The following RSU1 variants were observed in gnomAD, a reference collection of about 807,000 sequenced individuals.
The protein encoded by RSU1 is Ras suppressor protein 1.
In RSU1, 26 loss-of-function variants were observed where a neutral mutation model predicts 31.1. The ratio of observed to expected loss-of-function variants is 0.84; its 90% CI spans 0.61 to 1.16. The LOEUF (loss-of-function observed/expected upper bound fraction) is 1.16, where lower values mean the gene tolerates loss of function less well. Ranked by LOEUF, RSU1 falls within the 50% of genes most tolerant of loss-of-function variation. The probability of loss-of-function intolerance (pLI) is 0.00; values close to 1 mark genes in which losing one functional copy is unlikely to be tolerated. For synonymous variants in RSU1, 164 were observed against 136.3 expected, an observed-to-expected ratio of 1.20 and a Z score of -1.41; for missense variants, 320 against 339.1, an observed-to-expected ratio of 0.94 and a Z score of 0.44.
At chr10:16,636,420 C>T (rs1405281495) in intron 8 of RSU1, among the ~76,000 whole-genome samples, 2 of 152,210 alleles carry the variant, frequency 1.3e-5, no homozygotes, top group Non-Finnish European at 2.9e-5. Flanking sequence ...CCCTCTCCCG[C>T]TTCGAATAAA....
intron 7 of RSU1, among the ~76,000 whole-genome samples, chr10:16,737,725 T>A (rs574841888): frequency 1.7e-4 from 26 of 150,332 alleles, no homozygotes; most frequent in African/African-American, 6.4e-4. Flanking sequence ...TTTTTCCTCC[T>A]CTCTAAAGTT....
At chr10:16,652,863 G>A (rs1834711812) in intron 8 of RSU1, among the ~76,000 whole-genome samples, 1 of 151,446 alleles carries the variant, frequency 6.6e-6, no homozygotes, top group Non-Finnish European at 1.5e-5. Context: ...TTTTTTTAAA[G>A]AGATGGGGTC....
chr10:16,705,123 A>AT (rs1386042979), intron 7 of RSU1, among the ~76,000 whole-genome samples: 1 of 152,004 alleles, frequency 6.6e-6, no homozygotes. Context: ...ATAACACAGC[A>AT]TTTTTTCTTT....
chr10:16,799,835 G>A (rs908576916), intron 2 of RSU1, among the ~76,000 whole-genome samples: 11 of 152,150 alleles, frequency 7.2e-5, no homozygotes, highest in South Asian at 6.2e-4. Context: ...TTTGGTAGCC[G>A]GGGGCGGGGA....
intron 4 of RSU1, among the ~76,000 whole-genome samples, chr10:16,762,444 A>G (rs1178131720): frequency 1.3e-5 from 2 of 151,962 alleles, no homozygotes; most frequent in Non-Finnish European, 2.9e-5. Flanking sequence ...CTGTAAAACC[A>G]AGATATAAAT....
intron 8 of RSU1, among the ~76,000 whole-genome samples, chr10:16,639,542 G>C (rs1488173262): frequency 6.6e-6 from 1 of 152,198 alleles, no homozygotes; most frequent in East Asian, 1.9e-4. Context: ...CACAGAACTG[G>C]AGGGGAATAA....
chr10:16,748,710 C>T lies in RSU1; in HGVS notation c.598+3829G>A, dbSNP rs532486680. ...TTCCAGCCACACTGGCCTTGCTCTT[C>T]CTCAACACAAGCCCACCCAGGACCT... is the stretch of plus-strand genomic sequence containing the variant. On this transcript the variant is annotated intron_variant, in intron 7 of 8. Coordinates refer to ENST00000345264, the MANE Select transcript of RSU1 (RefSeq NM_012425.4). Among the ~76,000 whole-genome samples, 4 of 152,216 alleles carry T rather than the reference C, an allele frequency of 2.6e-5. No homozygotes were observed. In the East Asian group the frequency reaches 5.8e-4, roughly 22 times the overall value.
chr10:16,667,685 G>T (rs1345932976), intron 8 of RSU1, among the ~76,000 whole-genome samples: 1 of 151,996 alleles, frequency 6.6e-6, no homozygotes, highest in Non-Finnish European at 1.5e-5. Context: ...ACAGCGTTTT[G>T]CCATGTTGGC....
chr10:16,788,644 G>A (rs550681275), intron 2 of RSU1, among the ~76,000 whole-genome samples: 66 of 152,190 alleles, frequency 4.3e-4, no homozygotes, highest in African/African-American at 1.2e-3. Context: ...TTGTTATAAC[G>A]GCCAGAGCTG....
chr10:16,777,517 T>C (rs569126999), intron 3 of RSU1, among the ~76,000 whole-genome samples: 114 of 152,310 alleles, frequency 7.5e-4, no homozygotes, highest in Non-Finnish European at 1.2e-3. Context: ...CAACATGCCC[T>C]GTGGTGCAGG....
At chr10:16,684,065 A>AC (rs1054707986) in intron 8 of RSU1, among the ~76,000 whole-genome samples, 13 of 152,140 alleles carry the variant, frequency 8.5e-5, no homozygotes, top group African/African-American at 2.7e-4. Flanking sequence ...CCCTATTCAG[A>AC]CCTATACAAG....
chr10:16,764,314 A>C, intron 4 of RSU1, 76 bp downstream of exon 4: 17 of 1,379,802 alleles, frequency 1.2e-5, no homozygotes, highest in Non-Finnish European at 1.6e-5. Context: ...TATAAAAGGA[A>C]TCCCTCCCCT....
At chr10:16,649,056 TA>T (rs1834630692) in intron 8 of RSU1, among the ~76,000 whole-genome samples, 1 of 152,228 alleles carries the variant, frequency 6.6e-6, no homozygotes, top group African/African-American at 2.4e-5. Context: ...CTATTTCCCT[TA>T]AAATTCACAA....
chr10:16,665,315 TATC>T (rs1190111208), intron 8 of RSU1, among the ~76,000 whole-genome samples: 1 of 152,138 alleles, frequency 6.6e-6, no homozygotes, highest in Non-Finnish European at 1.5e-5. Flanking sequence ...AGAACACTAT[TATC>T]ATCTAATTTT....
chr10:16,593,302 G>A lies in RSU1; in HGVS notation c.*92C>T, dbSNP rs976118040. On this transcript the variant is annotated 3_prime_UTR_variant, in exon 9 of 9. Transcript: ENST00000345264. Reference sequence around the variant, plus strand: ...AAGAAAAATAAAAAAGGCCTCACACGCAGCATTGGGTTTATTTGAGAGACA... The same window carrying A: ...AAGAAAAATAAAAAAGGCCTCACACACAGCATTGGGTTTATTTGAGAGACA... 5.6e-5 allele frequency: 88 copies of A among 1,570,766 alleles called. No individual in the cohort carries two copies. Among genetic ancestry groups the A allele is most frequent in the South Asian group, 1.8e-4 (15 of 85,642 alleles).
chr10:16,594,273 G>A (rs778000762), intron 8 of RSU1, among the ~76,000 whole-genome samples: 20 of 152,184 alleles, frequency 1.3e-4, no homozygotes, highest in Non-Finnish European at 2.6e-4. Context: ...TCCACAGCCC[G>A]CAGTTGCTGT....
chr10:16,606,676 C>T (rs766496112), intron 8 of RSU1, among the ~76,000 whole-genome samples: 2 of 152,116 alleles, frequency 1.3e-5, no homozygotes, highest in African/African-American at 2.4e-5. Flanking sequence ...AGCAATATCA[C>T]GTGAAGGAAA....
chr10:16,787,367 C>A (rs958163883), intron 2 of RSU1, among the ~76,000 whole-genome samples: 2 of 152,002 alleles, frequency 1.3e-5, no homozygotes, highest in African/African-American at 4.8e-5. Flanking sequence ...AAACTCCATG[C>A]CAGGCCACCT....
intron 7 of RSU1, among the ~76,000 whole-genome samples, chr10:16,715,979 C>CA (rs1836131232): frequency 6.6e-6 from 1 of 152,110 alleles, no homozygotes; most frequent in Non-Finnish European, 1.5e-5. Flanking sequence ...ATTCAAGAGT[C>CA]AAAACAAAGT....
Sources: allele counts gnomAD v4.1 joint callset (sites outside exome capture counted in the v4.1 genomes callset), GRCh38; gene constraint gnomAD v4.1.1; transcripts MANE v1.5; gene names NCBI Gene and HGNC (gene_info 2026-07-23, HGNC 2026-07-21).